The following CLDND1 variants were observed in gnomAD, a reference collection of about 807,000 sequenced individuals.
The protein encoded by CLDND1 is claudin domain containing 1, also known as claudin domain-containing protein 1.
A neutral mutation model predicts 26.3 loss-of-function variants in CLDND1; 13 were observed. The observed-to-expected ratio is 0.49, with a 90% CI of 0.32 to 0.78. The LOEUF (loss-of-function observed/expected upper bound fraction) is 0.78, where lower values mean the gene tolerates loss of function less well. CLDND1 is among the 30% of genes least tolerant of loss of function. The pLI, the probability that CLDND1 is intolerant of heterozygous loss-of-function variation, is 0.03. For missense variants in CLDND1, 289 were observed against 312.8 expected (o/e 0.92, Z 0.57); for synonymous variants, 107 against 107.0 (o/e 1.00, Z 0.00).
chr3:98,517,700 A>T (rs1192322548), intron 3 of CLDND1, among the ~76,000 whole-genome samples: 1 of 152,246 alleles, frequency 6.6e-6, no homozygotes, highest in Non-Finnish European at 1.5e-5. Flanking sequence ...GCCATTTTAT[A>T]TAAGGTACTT....
intron 1 of CLDND1, 75 bp downstream of exon 1, chr3:98,522,774 G>T: frequency 6.2e-7 from 1 of 1,612,120 alleles, no homozygotes; most frequent in Admixed American, 1.7e-5. Flanking sequence ...CGGGAAGGGG[G>T]CCCCTCTTCA....
At chr3:98,519,154 G>T (rs980994085) in intron 2 of CLDND1, 159 bp from the exon 3 acceptor site, 4 of 566,338 alleles carry the variant, frequency 7.1e-6, no homozygotes, top group African/African-American at 1.9e-5. Flanking sequence ...ATGTCCAATG[G>T]ATGCCACTGG....
chr3:98,517,732 G>C (rs1387330385), intron 3 of CLDND1, among the ~76,000 whole-genome samples: 1 of 152,074 alleles, frequency 6.6e-6, no homozygotes, highest in Non-Finnish European at 1.5e-5. Flanking sequence ...GAATTAGCAG[G>C]GGGTCCTGAA....
At chr3:98,518,550 G>A (rs1706259175) in intron 3 of CLDND1, among the ~76,000 whole-genome samples, 1 of 152,186 alleles carries the variant, frequency 6.6e-6, no homozygotes, top group African/African-American at 2.4e-5. Context: ...AACTCAAGCA[G>A]TGGAAAGTGT....
In CLDND1 at chr3:98,517,095, G is replaced by A. The variant is rs35994971; in HGVS notation, c.498C>T (p.Ser166=). 1.5e-3 allele frequency: 2,490 copies of A among 1,614,116 alleles called. 36 individuals carry two copies. In the African/African-American group the frequency reaches 0.03, roughly 20 times the overall value. ...TGCCCGTGGCAATGGTGGGATATAA[G>A]CTTCGGCAAATGCAAGCACAAAGTC... ...LIGLCACICR[S]LYPTIATGIL... Residue 166 remains serine, a synonymous_variant, in exon 4 of 5, where the codon AGC becomes AGT. Coordinates refer to ENST00000341181, the MANE Select transcript of CLDND1 (RefSeq NM_001040181.2).
intron 1 of CLDND1, 191 bp from the exon 2 acceptor site, chr3:98,521,633 C>T (rs1328459866): frequency 4.4e-6 from 7 of 1,598,100 alleles, no homozygotes; most frequent in Non-Finnish European, 6.0e-6. Context: ...CATAAAAGTA[C>T]TTATTGAATG....
Position 98,516,651 on chromosome 3 carries a change from T to C in CLDND1, c.*8A>G. On this transcript the variant is annotated 3_prime_UTR_variant, in exon 5 of 5. Coordinates refer to ENST00000341181, the MANE Select transcript of CLDND1 (RefSeq NM_001040181.2). Reference sequence around the variant, plus strand: ...AAAATGGCAATTGTAAAGCAGGCAGTTTCTTGCTCATGCCACACGATATGC... The same window carrying C: ...AAAATGGCAATTGTAAAGCAGGCAGCTTCTTGCTCATGCCACACGATATGC... 6.2e-7 allele frequency: 1 copy of C among 1,605,290 alleles called. No homozygotes were observed. Among genetic ancestry groups the C allele is most frequent in the Non-Finnish European group, 8.5e-7 (1 of 1,176,724 alleles).
At position 98,521,010 on chromosome 3, in the gene CLDND1, G is replaced by A. The variant is rs1039335385; in HGVS notation, c.292+123C>T. The A allele has an allele frequency of 1.1e-5, 9 of 802,272 alleles. No homozygotes were observed. The African/African-American group carries it at 1.2e-4, about 11-fold the overall frequency. The allele number at this position is 802,272 out of a possible 1,614,324, so 49.7% of individuals were successfully genotyped here. Reference sequence around the variant, plus strand: ...AAGGCAGTAGAAAGAGAAGATACACGATTTATTTCTTTAAGGAGAGAGAGA... The same window carrying A: ...AAGGCAGTAGAAAGAGAAGATACACAATTTATTTCTTTAAGGAGAGAGAGA... On this transcript the variant is annotated intron_variant, in intron 2 of 4. Coordinates refer to ENST00000341181, the MANE Select transcript of CLDND1 (RefSeq NM_001040181.2).
chr3:98,515,525 G>T lies in CLDND1; in HGVS notation c.*1134C>A. 2.5e-6 allele frequency: 2 copies of T among 809,446 alleles called. No homozygotes were observed. Among genetic ancestry groups the T allele is most frequent in the Non-Finnish European group, 3.1e-6 (2 of 640,904 alleles). 50.1% of individuals were successfully genotyped at this position (809,446 alleles called of 1,614,324 possible). On this transcript the variant is annotated 3_prime_UTR_variant, in exon 5 of 5. Transcript: ENST00000341181. Reference sequence around the variant, plus strand: ...TTTTATTTTTTAAAAAAGACATTGAGGTTATGGTAAGAAATTATGAAGTTA... The same window carrying T: ...TTTTATTTTTTAAAAAAGACATTGATGTTATGGTAAGAAATTATGAAGTTA...
At chr3:98,518,083 G>T (rs1706231031) in intron 3 of CLDND1, among the ~76,000 whole-genome samples, 1 of 152,098 alleles carries the variant, frequency 6.6e-6, no homozygotes, top group African/African-American at 2.4e-5. Flanking sequence ...CACAAAACAT[G>T]CCATTCCATT....
Position 98,517,119 on chromosome 3 carries a change from T to G in CLDND1, c.474A>C (p.Gly158=). 7 of 1,613,910 alleles carry G rather than the reference T, an allele frequency of 4.3e-6. No homozygotes were observed. Among genetic ancestry groups the G allele is most frequent in the Non-Finnish European group, 5.1e-6 (6 of 1,179,952 alleles). ...AGCTTCGGCAAATGCAAGCACAAAG[T>G]CCGATCAAAGCCCCAAAGCACATCA... is the stretch of plus-strand genomic sequence containing the variant. ...LGLMCFGALI[G]LCACICRSLY... The change falls in exon 4 of 5, where the codon GGA becomes GGC. Residue 158 remains glycine, a synonymous_variant. Transcript: ENST00000341181.
At chr3:98,521,703 A>G (rs1430914322) in intron 1 of CLDND1, 1 of 1,612,430 alleles carries the variant, frequency 6.2e-7, no homozygotes, top group Admixed American at 1.7e-5. Context: ...TCACCTGCAT[A>G]CTAAAACAGA....
rs1706131170 is a variant in CLDND1 at position 98,516,238 on chromosome 3, A to G, written c.*421T>C. 9.7e-7 allele frequency: 1 copy of G among 1,032,240 alleles called. No individual in the cohort carries two copies. The highest frequency in any genetic ancestry group is 1.2e-6 in the Non-Finnish European group (1 of 858,480). The allele number at this position is 1,032,240 out of a possible 1,614,324, so 63.9% of individuals were successfully genotyped here. A position where few individuals can be genotyped will look rare whatever the true frequency, so the allele number is the denominator to read the frequency against. ...TGGTTGACTGGCTATCTACAACAGC[A>G]AAGTGAACATAAAGTTTTGACGATG... On this transcript the variant is annotated 3_prime_UTR_variant, in exon 5 of 5. Coordinates refer to ENST00000341181, the MANE Select transcript of CLDND1 (RefSeq NM_001040181.2).
chr3:98,517,722 G>A (rs1706210586), intron 3 of CLDND1, among the ~76,000 whole-genome samples: 1 of 152,150 alleles, frequency 6.6e-6, no homozygotes, highest in Non-Finnish European at 1.5e-5. Flanking sequence ...AGCAACCTTG[G>A]AATTAGCAGG....
chr3:98,521,301 T>G lies in CLDND1; in HGVS notation c.124A>C (p.Asn42His). 1 of 1,614,204 alleles carries G rather than the reference T, an allele frequency of 6.2e-7. No homozygotes were observed. Among genetic ancestry groups the G allele is most frequent in the Non-Finnish European group, 8.5e-7 (1 of 1,180,038 alleles). ...WYEYRSPVQE[N>H]SSDLNKSIWD... ...ATGCTTTTATTCAAATCACTGGAATTTTCTTGAACTGGACTTCGATATTCA... is the reference window on the plus strand; with the variant it reads ...ATGCTTTTATTCAAATCACTGGAATGTTCTTGAACTGGACTTCGATATTCA... Residue 42 changes from asparagine (N) to histidine (H), a missense_variant, in exon 2 of 5, where the codon AAT becomes CAT. Physicochemically the swap from Asn to His is moderately conservative, Grantham distance 68. Transcript: ENST00000341181.
Position 98,521,841 on chromosome 3 carries a change from T to C in CLDND1, c.-18-399A>G, listed in dbSNP as rs1000589734. 2.4e-5 allele frequency: 16 copies of C among 677,150 alleles called. 1 individual carries two copies. In the South Asian group the frequency reaches 2.7e-4, roughly 11 times the overall value. The allele number at this position is 677,150 out of a possible 1,614,324, so 41.9% of individuals were successfully genotyped here. ...ACGAGCTGCAGAGGATTAAGTGTTC[T>C]GGGTTTGAGTGTTAAAAAGGCACAG... is the stretch of plus-strand genomic sequence containing the variant. On this transcript the variant is annotated intron_variant, in intron 1 of 4. Transcript: ENST00000341181.
At chr3:98,522,506 A>C in intron 1 of CLDND1, 1 of 1,195,724 alleles carries the variant, frequency 8.4e-7, no homozygotes, top group Non-Finnish European at 1.0e-6. Flanking sequence ...TTGATTTTTT[A>C]AAAATCCCCC....
chr3:98,516,142 T>A lies in CLDND1; in HGVS notation c.*517A>T, dbSNP rs1286259350. 2 of 1,052,998 alleles carry A rather than the reference T, an allele frequency of 1.9e-6. No individual in the cohort carries two copies. Among genetic ancestry groups the A allele is most frequent in the African/African-American group, 3.4e-5 (2 of 58,614 alleles). 65.2% of individuals were successfully genotyped at this position (1,052,998 alleles called of 1,614,324 possible). ...TCAGATGAAGCTATGTGTCAATGCT[T>A]AGGGAAAATGATCTTAGATAATTTC... On this transcript the variant is annotated 3_prime_UTR_variant, in exon 5 of 5. Coordinates refer to ENST00000341181, the MANE Select transcript of CLDND1 (RefSeq NM_001040181.2).
intron 4 of CLDND1, 82 bp downstream of exon 4, chr3:98,516,970 C>A (rs911686623): frequency 1.2e-6 from 2 of 1,607,058 alleles, no homozygotes; most frequent in Non-Finnish European, 1.7e-6. Context: ...GCAGTTAATA[C>A]GTGAACATTT....
Sources: gnomAD v4.1 joint callset for allele counts (sites outside exome capture counted in the v4.1 genomes callset) on GRCh38, gnomAD v4.1.1 for gene constraint, MANE v1.5 for transcripts, NCBI Gene and HGNC (gene_info 2026-07-23, HGNC 2026-07-21) for gene names.